Variants in CLOCK observed in about 807,000 individuals in gnomAD.
The protein encoded by CLOCK is clock circadian regulator, also known as circadian locomoter output cycles protein kaput.
Under a neutral mutation model 118.4 loss-of-function variants are expected in CLOCK, and 43 were observed. That is an observed-to-expected ratio of 0.36 (90% confidence interval 0.28 to 0.47). CLOCK has a LOEUF of 0.47. Ranked by LOEUF, CLOCK falls within the 20% of genes least tolerant of loss-of-function variation. CLOCK has a pLI of 1.00. For missense variants in CLOCK, 846 were observed against 999.9 expected, an observed-to-expected ratio of 0.85 and a Z score of 2.08; for synonymous variants, 326 against 339.2, an observed-to-expected ratio of 0.96 and a Z score of 0.43.
chr4:55,540,030 C>T (rs1731162276), intron 1 of CLOCK, among the ~76,000 whole-genome samples: 2 of 141,582 alleles, frequency 1.4e-5, no homozygotes, highest in Admixed American at 1.4e-4. Context: ...TTTTTTGAGA[C>T]TGAGTCTTGA....
intron 1 of CLOCK, among the ~76,000 whole-genome samples, chr4:55,517,484 C>T (rs11133395): frequency 0.34 from 51,466 of 151,958 alleles, 9,407 homozygotes; most frequent in East Asian, 0.58. Context: ...CACTCCAGCC[C>T]GGGCAACAGA....
intron 21 of CLOCK, among the ~76,000 whole-genome samples, chr4:55,438,789 A>G (rs1723106472): frequency 6.6e-6 from 1 of 152,238 alleles, no homozygotes; most frequent in African/African-American, 2.4e-5. Context: ...ATTCAAAAGA[A>G]TAAAGTTAGA....
At chr4:55,545,850 G>A (rs1201726413) in intron 1 of CLOCK, 5 of 152,304 alleles carry the variant, frequency 3.3e-5, no homozygotes, top group African/African-American at 1.2e-4. Flanking sequence ...GACGGGGAAC[G>A]GGAAGCGCGG....
chr4:55,448,909 C>A lies in CLOCK; in HGVS notation c.1450-41G>T, dbSNP rs1185425491. ...AAATAACACTGAAGTGATTCTCATT[C>A]CCATACATGAGTACTTCCAGCAGAA... On this transcript the variant is annotated intron_variant, in intron 17 of 22. Coordinates refer to ENST00000513440, the MANE Select transcript of CLOCK (RefSeq NM_004898.4). 5.7e-6 allele frequency: 8 copies of A among 1,400,206 alleles called. 1 individual carries two copies. The highest frequency in any genetic ancestry group is 1.8e-4 in the Middle Eastern group (1 of 5,704). 86.7% of individuals were successfully genotyped at this position (1,400,206 alleles called of 1,614,324 possible).
chr4:55,446,691 A>C (rs1181710997), intron 18 of CLOCK, among the ~76,000 whole-genome samples: 1 of 152,216 alleles, frequency 6.6e-6, no homozygotes, highest in Non-Finnish European at 1.5e-5. Flanking sequence ...TCTTCTGCTT[A>C]TAATTTACCC....
intron 7 of CLOCK, among the ~76,000 whole-genome samples, chr4:55,474,518 T>C (rs1477850186): frequency 2.0e-5 from 3 of 152,094 alleles, no homozygotes; most frequent in South Asian, 4.1e-4. Flanking sequence ...TCAGTGCAGA[T>C]GAAACAGCCT....
intron 7 of CLOCK, among the ~76,000 whole-genome samples, chr4:55,472,832 G>T (rs1235833531): frequency 6.6e-6 from 1 of 151,780 alleles, no homozygotes; most frequent in Non-Finnish European, 1.5e-5. Context: ...CCCAGTCTTT[G>T]CTAATATAGA....
intron 8 of CLOCK, 98 bp from the exon 9 acceptor site, chr4:55,463,903 C>A: frequency 8.1e-7 from 1 of 1,234,922 alleles, no homozygotes; most frequent in Admixed American, 2.5e-5. Flanking sequence ...AGTTAACTTT[C>A]AATTATCTGT....
intron 17 of CLOCK, among the ~76,000 whole-genome samples, 182 bp from the exon 18 acceptor site, chr4:55,449,050 A>G (rs1724196392): frequency 6.6e-6 from 1 of 152,046 alleles, no homozygotes; most frequent in Non-Finnish European, 1.5e-5. Flanking sequence ...TTTATCTTTT[A>G]TTTTCCAAGG....
intron 1 of CLOCK, among the ~76,000 whole-genome samples, chr4:55,520,645 G>C (rs1729797619): frequency 6.6e-6 from 1 of 151,964 alleles, no homozygotes; most frequent in Non-Finnish European, 1.5e-5. Context: ...TTAATACTAA[G>C]GTTCAGTTCT....
chr4:55,542,268 A>G (rs1488876400), intron 1 of CLOCK, among the ~76,000 whole-genome samples: 1 of 150,518 alleles, frequency 6.6e-6, no homozygotes, highest in Non-Finnish European at 1.5e-5. Context: ...CGCTTGAACC[A>G]AGGAGGCGGA....
At chr4:55,436,610 A>C (rs1407178290) in intron 22 of CLOCK, among the ~76,000 whole-genome samples, 1 of 152,204 alleles carries the variant, frequency 6.6e-6, no homozygotes, top group Non-Finnish European at 1.5e-5. Flanking sequence ...AACATGCACA[A>C]ACACACACAC....
chr4:55,464,485 CAT>C (rs906948539), intron 8 of CLOCK, among the ~76,000 whole-genome samples: 1 of 152,128 alleles, frequency 6.6e-6, no homozygotes, highest in Non-Finnish European at 1.5e-5. Context: ...ACAAAACTTC[CAT>C]GACTTTACAT....
At position 55,498,963 on chromosome 4, in the gene CLOCK, C is replaced by G. The variant is rs1302201552; in HGVS notation, c.-135-9498G>C. Among the ~76,000 whole-genome samples, 4 of 152,268 alleles carry G rather than the reference C, an allele frequency of 2.6e-5. No homozygotes were observed. The South Asian group carries it at 8.3e-4, about 32-fold the overall frequency. On this transcript the variant is annotated intron_variant, in intron 2 of 22. Coordinates refer to ENST00000513440, the MANE Select transcript of CLOCK (RefSeq NM_004898.4). ...AAGCTCACTGACTCTTCTGTCATCT[C>G]CATTGTTACTGAGCCCATGCAGTAC... is the stretch of plus-strand genomic sequence containing the variant.
intron 1 of CLOCK, among the ~76,000 whole-genome samples, chr4:55,533,295 C>T (rs181628219): frequency 9.2e-5 from 14 of 152,242 alleles, no homozygotes; most frequent in Admixed American, 2.0e-4. Context: ...ACCAATGGAA[C>T]AGAACAGAAA....
Position 55,435,335 on chromosome 4 carries a change from C to G in CLOCK, c.*80G>C, listed in dbSNP as rs985933826. On this transcript the variant is annotated 3_prime_UTR_variant, in exon 23 of 23. Transcript: ENST00000513440. ...TCTCATGAAACTGCTGGAACTTTCC[C>G]TCCTTTCCTCAGGTCATCTGAGTAA... is the stretch of plus-strand genomic sequence containing the variant. 1.3e-6 allele frequency: 2 copies of G among 1,543,244 alleles called. No individual in the cohort carries two copies. The highest frequency in any genetic ancestry group is 2.7e-5 in the African/African-American group (2 of 73,454).
intron 15 of CLOCK, among the ~76,000 whole-genome samples, chr4:55,450,467 T>C (rs1357395574): frequency 1.3e-5 from 2 of 152,158 alleles, no homozygotes; most frequent in Admixed American, 6.5e-5. Flanking sequence ...TCTTACACCA[T>C]ATACAAAAAT....
chr4:55,473,527 C>A (rs1726288716), intron 7 of CLOCK, among the ~76,000 whole-genome samples: 1 of 152,098 alleles, frequency 6.6e-6, no homozygotes, highest in African/African-American at 2.4e-5. Flanking sequence ...AAAATACAAA[C>A]AGAAAAATAA....
intron 8 of CLOCK, among the ~76,000 whole-genome samples, chr4:55,467,409 C>T (rs1725808296): frequency 6.6e-6 from 1 of 152,114 alleles, no homozygotes; most frequent in Non-Finnish European, 1.5e-5. Flanking sequence ...TCCAAATAAA[C>T]AGAAAATTAT....
Sources: gnomAD v4.1 joint callset for allele counts (sites outside exome capture counted in the v4.1 genomes callset) on GRCh38, gnomAD v4.1.1 for gene constraint, MANE v1.5 for transcripts, NCBI Gene and HGNC (gene_info 2026-07-23, HGNC 2026-07-21) for gene names.